Variants in UBR3 observed in about 807,000 individuals in gnomAD.
The protein encoded by UBR3 is E3 ubiquitin-protein ligase UBR3.
In UBR3, 85 loss-of-function variants were observed where a neutral mutation model predicts 243.2. The ratio of observed to expected loss-of-function variants is 0.35; its 90% CI spans 0.29 to 0.42. The LOEUF (loss-of-function observed/expected upper bound fraction) is 0.42. Among genes scored for constraint, UBR3 ranks in the 10% least tolerant of loss-of-function variants. UBR3 has a pLI of 1.00. For missense variants in UBR3, 1,686 were observed against 2,300.8 expected (o/e 0.73, Z 5.47); for synonymous variants, 748 against 799.8 (o/e 0.94, Z 1.09).
At chr2:169,890,227 A>T (rs560696208) in intron 5 of UBR3, among the ~76,000 whole-genome samples, 2 of 152,160 alleles carry the variant, frequency 1.3e-5, no homozygotes, top group South Asian at 4.1e-4. Flanking sequence ...CCTCCCCAAG[A>T]GGTGCACCAC....
chr2:169,931,513 T>C (rs1179758067), intron 18 of UBR3, among the ~76,000 whole-genome samples: 1 of 152,144 alleles, frequency 6.6e-6, no homozygotes, highest in African/African-American at 2.4e-5. Flanking sequence ...TGGTTAACAG[T>C]GTCTTGTGCT....
intron 32 of UBR3, 24 bp from the exon 33 acceptor site, chr2:170,055,436 A>T (rs564846596): frequency 6.2e-7 from 1 of 1,606,222 alleles, no homozygotes; most frequent in Admixed American, 1.7e-5. Context: ...TTCCAAAGAA[A>T]TAATGATTTT....
intron 26 of UBR3, among the ~76,000 whole-genome samples, chr2:169,999,144 A>G (rs1470901524): frequency 6.6e-6 from 1 of 152,226 alleles, no homozygotes; most frequent in Non-Finnish European, 1.5e-5. Flanking sequence ...TTAAAAATAC[A>G]GATTAATTGC....
intron 6 of UBR3, among the ~76,000 whole-genome samples, chr2:169,891,620 A>ACG (rs915189400): frequency 6.6e-6 from 1 of 151,432 alleles, no homozygotes; most frequent in African/African-American, 2.4e-5. Flanking sequence ...AGAGACACAC[A>ACG]CACACACACA....
At chr2:169,919,414 T>C (rs2085600046) in intron 11 of UBR3, among the ~76,000 whole-genome samples, 3 of 152,222 alleles carry the variant, frequency 2.0e-5, no homozygotes, top group Admixed American at 2.0e-4. Context: ...AGTAATTTCA[T>C]GTCTAAAACA....
intron 23 of UBR3, among the ~76,000 whole-genome samples, chr2:169,957,684 A>C (rs1419952682): frequency 1.3e-5 from 2 of 152,160 alleles, no homozygotes; most frequent in African/African-American, 4.8e-5. Flanking sequence ...TACATTGTGC[A>C]CATGTACCCT....
rs758917195 is a variant in UBR3 at position 170,080,536 on chromosome 2, A to AT, written c.5410-3dup. The AT allele has an allele frequency of 6.2e-4, 979 of 1,584,774 alleles. No individual in the cohort carries two copies. Among genetic ancestry groups the AT allele is most frequent in the Non-Finnish European group, 8.1e-4 (947 of 1,165,788 alleles). ...TATGAAGTTCATTAATATATTTTTA[A>AT]TTTTTTAGCACTCTCAGAACTGTGG... On this transcript the variant is annotated splice_polypyrimidine_tract_variant and intron_variant, in intron 37 of 38. Transcript: ENST00000272793.
At chr2:169,890,536 G>GATATATATATATATATATATAT (rs1396382870) in intron 5 of UBR3, among the ~76,000 whole-genome samples, 5 of 53,634 alleles carry the variant, frequency 9.3e-5, no homozygotes, top group African/African-American at 3.4e-4. Flanking sequence ...GAGAGAGAGA[G>GATATATATATATATATATATAT]AGAGATATAT....
At chr2:170,019,401 T>C (rs1248651144) in intron 30 of UBR3, among the ~76,000 whole-genome samples, 3 of 152,190 alleles carry the variant, frequency 2.0e-5, no homozygotes, top group East Asian at 3.9e-4. Flanking sequence ...TACAGAAAAT[T>C]AGCCAGGTGC....
intron 27 of UBR3, 52 bp downstream of exon 27, chr2:170,001,466 A>G (rs770103083): frequency 4.4e-6 from 5 of 1,130,592 alleles, no homozygotes; most frequent in Admixed American, 1.7e-5. Context: ...TCCAGGTATT[A>G]AATCTTTTTA....
intron 1 of UBR3, among the ~76,000 whole-genome samples, chr2:169,844,095 C>T (rs2082387821): frequency 1.3e-5 from 2 of 151,330 alleles, no homozygotes; most frequent in Admixed American, 6.6e-5. Context: ...CAACCTCAGC[C>T]TCCTGGGTTC....
intron 6 of UBR3, among the ~76,000 whole-genome samples, chr2:169,892,419 T>C (rs73972645): frequency 0.054 from 8,274 of 152,296 alleles, 409 homozygotes; most frequent in African/African-American, 0.13. Flanking sequence ...GTCATTGTTT[T>C]CCTTCAGCCT....
At chr2:169,970,093 G>A (rs1329243519) in intron 24 of UBR3, among the ~76,000 whole-genome samples, 6 of 144,374 alleles carry the variant, frequency 4.2e-5, no homozygotes, top group Non-Finnish European at 9.2e-5. Context: ...ACTTTTGGTA[G>A]TGTGGTCATT....
intron 1 of UBR3, among the ~76,000 whole-genome samples, chr2:169,867,806 T>C (rs2083308414): frequency 6.6e-6 from 1 of 152,230 alleles, no homozygotes; most frequent in African/African-American, 2.4e-5. Flanking sequence ...TTTTTAAAGA[T>C]TGTAGCCACA....
rs143540600 is a variant in UBR3, at chr2:169,978,937, G to T, written c.3635-7708G>T. 2.6e-5 allele frequency among the ~76,000 whole-genome samples: 4 copies of T among 152,232 alleles called. No individual in the cohort carries two copies. The South Asian group carries it at 6.2e-4, about 24-fold the overall frequency. Reference sequence around the variant, plus strand: ...GCTCTGTAGCTCAGCCAGGGCATCAGTTCCCCAGGAGGTATTGTACTGTTA... The same window carrying T: ...GCTCTGTAGCTCAGCCAGGGCATCATTTCCCCAGGAGGTATTGTACTGTTA... On this transcript the variant is annotated intron_variant, in intron 24 of 38. Transcript: ENST00000272793.
In UBR3 at chr2:170,067,447, A is replaced by G. The variant is rs79405015; in HGVS notation, c.5020-5981A>G. Among the ~76,000 whole-genome samples, 447 of 152,312 alleles carry G rather than the reference A, an allele frequency of 2.9e-3. 2 individuals are homozygous for G. The highest frequency in any genetic ancestry group is 0.01 in the African/African-American group (422 of 41,570). ...GAGACTTCAGTGTGCCTTCTTAGTAATCAATAACAAGTAGAGAGCAAATCA... is the reference window on the plus strand; with the variant it reads ...GAGACTTCAGTGTGCCTTCTTAGTAGTCAATAACAAGTAGAGAGCAAATCA... On this transcript the variant is annotated intron_variant, in intron 35 of 38. Transcript: ENST00000272793.
intron 24 of UBR3, among the ~76,000 whole-genome samples, chr2:169,962,205 C>T (rs1160952912): frequency 6.6e-6 from 1 of 152,018 alleles, no homozygotes. Flanking sequence ...CTTCCTGTCC[C>T]AGTTAAGCTT....
intron 8 of UBR3, among the ~76,000 whole-genome samples, chr2:169,903,352 C>T (rs533052330): frequency 1.3e-5 from 2 of 152,232 alleles, no homozygotes; most frequent in South Asian, 4.1e-4. Flanking sequence ...CAATTTTTAA[C>T]TTAAAAAAAA....
chr2:169,969,263 A>T (rs1159331112), intron 24 of UBR3, among the ~76,000 whole-genome samples: 3 of 152,222 alleles, frequency 2.0e-5, no homozygotes, highest in South Asian at 4.1e-4. Flanking sequence ...AAAAATCTTT[A>T]CTCAGACCAA....
Sources: allele counts gnomAD v4.1 joint callset (sites outside exome capture counted in the v4.1 genomes callset), GRCh38; gene constraint gnomAD v4.1.1; transcripts MANE v1.5; gene names NCBI Gene and HGNC (gene_info 2026-07-23, HGNC 2026-07-21).